Variants in PIK3C2G observed in about 807,000 individuals in gnomAD.
PIK3C2G encodes the protein phosphatidylinositol-4-phosphate 3-kinase catalytic subunit type 2 gamma, also known as phosphatidylinositol 3-kinase C2 domain-containing subunit gamma.
Under a neutral mutation model 181.1 loss-of-function variants are expected in PIK3C2G, and 168 were observed. The ratio of observed to expected loss-of-function variants is 0.93; its 90% CI spans 0.82 to 1.05. PIK3C2G has a LOEUF of 1.05. Ranked by LOEUF, PIK3C2G falls within the 50% of genes least tolerant of loss-of-function variation. PIK3C2G has a pLI of 0.00. For synonymous variants in PIK3C2G, 573 were observed against 592.2 expected (o/e 0.97, Z 0.47); for missense variants, 1,869 against 1,732.8 (o/e 1.08, Z -1.40).
chr12:18,486,194 C>T (rs900648335), intron 18 of PIK3C2G, among the ~76,000 whole-genome samples: 1 of 152,110 alleles, frequency 6.6e-6, no homozygotes, highest in African/African-American at 2.4e-5. Context: ...GGATCTTGAA[C>T]CAGATCTCAC....
intron 13 of PIK3C2G, among the ~76,000 whole-genome samples, chr12:18,375,352 A>C (rs749085545): frequency 6.6e-6 from 1 of 152,202 alleles, no homozygotes; most frequent in Non-Finnish European, 1.5e-5. Context: ...ATGCCTTAAG[A>C]ATCTGTGGAA....
rs539469408 is a variant in PIK3C2G, at chr12:18,296,113, A to G, written c.1034+2098A>G. ...AATGGTCAAATAGATCATGAAACAT[A>G]TGACTACAAACATAGCACTGTTATA... On this transcript the variant is annotated intron_variant, in intron 5 of 32. Transcript: ENST00000538779. Among the ~76,000 whole-genome samples the G allele has an allele frequency of 4.6e-5, 7 of 152,252 alleles. No individual in the cohort carries two copies. In the East Asian group the frequency reaches 1.3e-3, roughly 29 times the overall value.
chr12:18,405,043 C>T (rs1411308886), intron 16 of PIK3C2G, among the ~76,000 whole-genome samples: 3 of 152,214 alleles, frequency 2.0e-5, no homozygotes. Flanking sequence ...ATAAGGAAGA[C>T]TTTAAGCTTT....
At chr12:18,691,206 T>C in the PIK3C2G span, among the ~76,000 whole-genome samples, 12 of 152,228 alleles carry the variant, frequency 7.9e-5, no homozygotes, top group East Asian at 2.3e-3. Flanking sequence ...AAGATTAGAA[T>C]GGTTCCCAAT....
chr12:18,410,904 G>A lies in PIK3C2G; in HGVS notation c.2316-10037G>A, dbSNP rs76869674. Reference sequence around the variant, plus strand: ...AAAATCAACGTGTAATTATATAAGAGGAGCGAAATCAAGAACTGCTTTTTA... The same window carrying A: ...AAAATCAACGTGTAATTATATAAGAAGAGCGAAATCAAGAACTGCTTTTTA... On this transcript the variant is annotated intron_variant, in intron 16 of 32. Transcript: ENST00000538779. Among the ~76,000 whole-genome samples, 102 of 152,192 alleles carry A rather than the reference G, an allele frequency of 6.7e-4. No homozygotes were observed. The Middle Eastern group carries it at 0.014, about 20-fold the overall frequency.
intron 18 of PIK3C2G, among the ~76,000 whole-genome samples, chr12:18,459,049 C>T (rs1467760884): frequency 2.0e-5 from 3 of 152,088 alleles, no homozygotes; most frequent in African/African-American, 7.2e-5. Flanking sequence ...CATTCCTGGA[C>T]TTCTGACTTA....
chr12:18,465,465 T>C (rs1220524433), intron 18 of PIK3C2G, among the ~76,000 whole-genome samples: 1 of 151,914 alleles, frequency 6.6e-6, no homozygotes, highest in Non-Finnish European at 1.5e-5. Flanking sequence ...TCTTTCTACC[T>C]GAAAAGGCTT....
chr12:18,595,310 G>GA (rs1434864574), intron 30 of PIK3C2G, among the ~76,000 whole-genome samples: 2 of 152,060 alleles, frequency 1.3e-5, no homozygotes, highest in Non-Finnish European at 2.9e-5. Context: ...GCTGTTAGTT[G>GA]AAAATAGGTG....
At chr12:18,415,644 A>G (rs1945131511) in intron 16 of PIK3C2G, among the ~76,000 whole-genome samples, 1 of 152,268 alleles carries the variant, frequency 6.6e-6, no homozygotes, top group Non-Finnish European at 1.5e-5. Flanking sequence ...TTGAAAGCTT[A>G]GATAGGCTAA....
chr12:18,623,548 G>T (rs1415378691), intron 31 of PIK3C2G, among the ~76,000 whole-genome samples: 1 of 151,524 alleles, frequency 6.6e-6, no homozygotes, highest in Non-Finnish European at 1.5e-5. Flanking sequence ...TGAATTTTAG[G>T]ATTCCTTTTT....
At chr12:18,262,784 C>G (rs1161953464) in intron 1 of PIK3C2G, among the ~76,000 whole-genome samples, 1 of 151,976 alleles carries the variant, frequency 6.6e-6, no homozygotes, top group Non-Finnish European at 1.5e-5. Flanking sequence ...GTGAGGAAGC[C>G]CTCTTCAAGT....
rs12315010 is a variant in PIK3C2G, at chr12:18,538,319, C to T, written c.3480+7C>T. On this transcript the variant is annotated splice_region_variant and intron_variant, in intron 25 of 32. Coordinates refer to ENST00000538779, the MANE Select transcript of PIK3C2G (RefSeq NM_001288772.2). ...CTTGAACCTGCTGGAAATGGTAAGT[C>T]CCTTGGGAAAAAAAAACAAAAATAA... 29,918 of 1,577,978 alleles carry T rather than the reference C, an allele frequency of 0.019. 1,035 individuals carry two copies. Among genetic ancestry groups the T allele is most frequent in the African/African-American group, 0.15 (11,159 of 72,292 alleles).
At chr12:18,611,579 A>G (rs556855394) in intron 31 of PIK3C2G, among the ~76,000 whole-genome samples, 2 of 152,136 alleles carry the variant, frequency 1.3e-5, no homozygotes, top group Admixed American at 6.6e-5. Context: ...CAACTCTAGT[A>G]TAAGTATAAT....
intron 18 of PIK3C2G, among the ~76,000 whole-genome samples, chr12:18,451,069 T>A (rs1281087569): frequency 6.6e-6 from 1 of 152,218 alleles, no homozygotes; most frequent in Admixed American, 6.5e-5. Context: ...GGCTCCTTTT[T>A]GGTTCCATAT....
chr12:18,601,118 CAG>C (rs1947684865), intron 30 of PIK3C2G, among the ~76,000 whole-genome samples: 1 of 151,658 alleles, frequency 6.6e-6, no homozygotes, highest in Admixed American at 6.6e-5. Flanking sequence ...TTCACCATGA[CAG>C]AAATGCAAGA....
chr12:18,589,585 A>C (rs76811777), intron 29 of PIK3C2G, among the ~76,000 whole-genome samples: 1,893 of 152,038 alleles, frequency 0.012, 48 homozygotes, highest in African/African-American at 0.043. Context: ...GGAAGGAAAA[A>C]TAGAGGTTAG....
intron 18 of PIK3C2G, among the ~76,000 whole-genome samples, chr12:18,432,761 C>T (rs915219671): frequency 6.6e-6 from 1 of 152,178 alleles, no homozygotes; most frequent in African/African-American, 2.4e-5. Context: ...GGATCATCTG[C>T]TATCCCAGAA....
chr12:18,331,894 A>G (rs1387694078), intron 8 of PIK3C2G, among the ~76,000 whole-genome samples: 1 of 152,076 alleles, frequency 6.6e-6, no homozygotes, highest in African/African-American at 2.4e-5. Context: ...AGTTTTGTCA[A>G]ATGCTTTTTG....
At chr12:18,534,003 G>T (rs1378682735) in intron 24 of PIK3C2G, among the ~76,000 whole-genome samples, 3 of 129,290 alleles carry the variant, frequency 2.3e-5, no homozygotes, top group Non-Finnish European at 4.7e-5. Flanking sequence ...AGGCTGGAGT[G>T]CAGTGGCACA....
Sources: gnomAD v4.1 joint callset for allele counts (sites outside exome capture counted in the v4.1 genomes callset) on GRCh38, gnomAD v4.1.1 for gene constraint, MANE v1.5 for transcripts, NCBI Gene and HGNC (gene_info 2026-07-23, HGNC 2026-07-21) for gene names.